Variants in PRKCH observed in about 807,000 individuals in gnomAD.
The protein encoded by PRKCH is protein kinase C eta.
A neutral mutation model predicts 82.5 loss-of-function variants in PRKCH; 28 were observed. The observed-to-expected ratio is 0.34, with a 90% CI of 0.25 to 0.47. The LOEUF is 0.47. Ranked by LOEUF, PRKCH falls within the 20% of genes least tolerant of loss-of-function variation. PRKCH has a pLI of 1.00. For synonymous variants in PRKCH, 322 were observed against 327.4 expected (o/e 0.98, Z 0.18); for missense variants, 705 against 881.8 (o/e 0.80, Z 2.54).
At chr14:61,264,891 G>C (rs1244911575) in intron 1 of PRKCH, among the ~76,000 whole-genome samples, 3 of 152,146 alleles carry the variant, frequency 2.0e-5, no homozygotes, top group Admixed American at 6.5e-5. Context: ...TTTTTTAGAA[G>C]AGTCCGTGCT....
chr14:61,338,088 A>T (rs778370419), intron 1 of PRKCH, among the ~76,000 whole-genome samples: 2 of 152,132 alleles, frequency 1.3e-5, no homozygotes, highest in Non-Finnish European at 2.9e-5. Flanking sequence ...TCTGGAGTGA[A>T]TGAGAATGTG....
chr14:61,469,065 C>CT (rs1885386074), intron 9 of PRKCH, among the ~76,000 whole-genome samples: 1 of 152,214 alleles, frequency 6.6e-6, no homozygotes, highest in Non-Finnish European at 1.5e-5. Context: ...CAGGATCCCA[C>CT]TGACTGAATG....
intron 1 of PRKCH, among the ~76,000 whole-genome samples, chr14:61,338,669 C>T (rs567073069): frequency 6.6e-5 from 10 of 152,274 alleles, no homozygotes; most frequent in African/African-American, 2.2e-4. Flanking sequence ...GATCTAGGTA[C>T]AACTGTGACC....
chr14:61,369,470 C>T (rs1186349158), intron 1 of PRKCH, among the ~76,000 whole-genome samples: 3 of 152,182 alleles, frequency 2.0e-5, no homozygotes, highest in East Asian at 1.9e-4. Context: ...TGCTTTGCTT[C>T]GCGTCAGAAA....
intron 1 of PRKCH, chr14:61,304,409 TGC>T (rs1416522475): frequency 3.9e-5 from 6 of 152,248 alleles, no homozygotes; most frequent in Non-Finnish European, 7.3e-5. Context: ...GATTTCCCTG[TGC>T]TATCATTTTC....
chr14:61,351,364 C>T (rs920718543), intron 1 of PRKCH, among the ~76,000 whole-genome samples: 1 of 152,122 alleles, frequency 6.6e-6, no homozygotes, highest in Non-Finnish European at 1.5e-5. Flanking sequence ...CTTCCTGGAG[C>T]CTGAGAGATG....
chr14:61,542,888 C>T (rs2246850), intron 12 of PRKCH, among the ~76,000 whole-genome samples: 106,553 of 152,168 alleles, frequency 0.7, 40,021 homozygotes, highest in Non-Finnish European at 0.85. Context: ...AAGATGTTCA[C>T]TAATACTATC....
intron 2 of PRKCH, among the ~76,000 whole-genome samples, chr14:61,394,316 C>G (rs755928076): frequency 6.6e-6 from 1 of 151,880 alleles, no homozygotes. Context: ...TCTGCCTGCT[C>G]CAAGGTCTTT....
chr14:61,435,365 A>G (rs1453301424), intron 2 of PRKCH, among the ~76,000 whole-genome samples: 1 of 152,214 alleles, frequency 6.6e-6, no homozygotes, highest in Non-Finnish European at 1.5e-5. Context: ...AAGAGAGGAG[A>G]TCTGAAGACG....
Position 61,280,569 on chromosome 14 carries a change from G to A in PRKCH, c.-19+92901G>A. On this transcript the variant is annotated intron_variant, in intron 1 of 3. Coordinates refer to the PRKCH transcript ENST00000555185. This position sits in a 1 kb window ranked among gnomAD's most constrained non-coding sequence, Gnocchi z 5.0. The stretch of plus-strand genomic sequence containing the variant: ...AGTCGGTCCACCAGGCGATGCCGGA[G>A]CGGTCGAGCGGCACCTCGACGTAGG... The A allele has an allele frequency of 6.2e-7, 1 of 1,605,142 alleles. No homozygotes were observed.
intron 10 of PRKCH, among the ~76,000 whole-genome samples, chr14:61,500,888 G>A (rs1886876018): frequency 6.6e-6 from 1 of 152,082 alleles, no homozygotes; most frequent in Non-Finnish European, 1.5e-5. Flanking sequence ...CCTTCAAATG[G>A]TCCATCTCAA....
intron 1 of PRKCH, among the ~76,000 whole-genome samples, chr14:61,196,799 G>A (rs938995266): frequency 1.3e-5 from 2 of 152,068 alleles, no homozygotes; most frequent in Non-Finnish European, 2.9e-5. Flanking sequence ...TAGACTCCCA[G>A]GGACATTTAA....
intron 1 of PRKCH, among the ~76,000 whole-genome samples, chr14:61,359,624 A>G (rs2046197168): frequency 6.6e-6 from 1 of 152,176 alleles, no homozygotes; most frequent in Non-Finnish European, 1.5e-5. Flanking sequence ...CTTCTTTGAG[A>G]TGTAAACTAG....
intron 1 of PRKCH, among the ~76,000 whole-genome samples, chr14:61,246,538 A>G (rs2044885024): frequency 6.6e-6 from 1 of 152,036 alleles, no homozygotes; most frequent in Non-Finnish European, 1.5e-5. Flanking sequence ...TCTCCCTTCA[A>G]ATTATATCTC....
At chr14:61,203,380 C>A (rs918254370) in intron 1 of PRKCH, among the ~76,000 whole-genome samples, 29 of 152,092 alleles carry the variant, frequency 1.9e-4, no homozygotes, top group Admixed American at 8.5e-4. Flanking sequence ...CCAGAAGCCC[C>A]AAAGTGCTGG....
chr14:61,241,881 T>C (rs1018012543), intron 1 of PRKCH, among the ~76,000 whole-genome samples: 1 of 152,202 alleles, frequency 6.6e-6, no homozygotes, highest in Admixed American at 6.5e-5. Context: ...GCGTGTTTTA[T>C]GGGATAAACC....
chr14:61,472,438 CAG>C (rs1885545981), intron 9 of PRKCH, among the ~76,000 whole-genome samples: 1 of 152,176 alleles, frequency 6.6e-6, no homozygotes, highest in African/African-American at 2.4e-5. Flanking sequence ...ATTGTACAAA[CAG>C]ATAATCAGAG....
chr14:61,203,319 G>A (rs897961666), intron 1 of PRKCH, among the ~76,000 whole-genome samples: 1 of 152,082 alleles, frequency 6.6e-6, no homozygotes, highest in East Asian at 1.9e-4. Context: ...ATATCCCAGG[G>A]AAGGGGTGGG....
At chr14:61,545,893 T>C (rs1042065186) in intron 12 of PRKCH, among the ~76,000 whole-genome samples, 5 of 152,104 alleles carry the variant, frequency 3.3e-5, no homozygotes, top group African/African-American at 1.2e-4. Flanking sequence ...GCATATAGAG[T>C]CCTGCACTGT....
Sources: allele counts gnomAD v4.1 joint callset (sites outside exome capture counted in the v4.1 genomes callset), GRCh38; gene constraint gnomAD v4.1.1; non-coding constraint Gnocchi (gnomAD v3.1); transcripts MANE v1.5; gene names NCBI Gene and HGNC (gene_info 2026-07-23, HGNC 2026-07-21).